Variants in STON2 observed in about 807,000 individuals in gnomAD.
STON2 encodes the protein stonin 2, also known as stonin-2.
A neutral mutation model predicts 65.7 loss-of-function variants in STON2; 29 were observed. That is an observed-to-expected ratio of 0.44 (90% CI 0.33 to 0.60). The LOEUF (loss-of-function observed/expected upper bound fraction) is 0.60. Among genes scored for constraint, STON2 ranks in the 20% least tolerant of loss-of-function variants. The probability of loss-of-function intolerance (pLI) is 0.03; values close to 1 mark genes in which losing one functional copy is unlikely to be tolerated. For missense variants in STON2, 1,054 were observed against 1,118.1 expected (o/e 0.94, Z 0.82); for synonymous variants, 404 against 414.2 (o/e 0.98, Z 0.30).
chr14:81,403,438 T>A (rs61120076), upstream of STON2, among the ~76,000 whole-genome samples: 4,144 of 152,216 alleles, frequency 0.027, 201 homozygotes, highest in African/African-American at 0.094. Flanking sequence ...AGAAAAAAAA[T>A]ATTATCTTTA....
At chr14:81,319,680 A>G (rs1896753076) in intron 5 of STON2, among the ~76,000 whole-genome samples, 1 of 152,250 alleles carries the variant, frequency 6.6e-6, no homozygotes, top group Non-Finnish European at 1.5e-5. Context: ...ATCCTGGTCA[A>G]TTACCAGAGC....
At position 81,278,501 on chromosome 14, in the gene STON2, C is replaced by T. The variant is rs761492675; in HGVS notation, c.981G>A (p.Met327Ile). Residue 327 changes from methionine (M) to isoleucine (I), a missense_variant, in exon 6 of 8, where the codon ATG (methionine) becomes ATA (isoleucine). Physicochemically the swap from Met to Ile is conservative, Grantham distance 10. Coordinates refer to ENST00000614646, the MANE Select transcript of STON2 (RefSeq NM_001394390.1). ...GACGGTCCCTCTTCTTAAATGATCC[C>T]ATTGAATTATAAGGTACATCTGGGA... ...SVIPDVPYNS[M>I]GSFKKRDRPK... 5 of 1,614,182 alleles carry T rather than the reference C, an allele frequency of 3.1e-6. No homozygotes were observed. The highest frequency in any genetic ancestry group is 4.5e-5 in the East Asian group (2 of 44,886).
chr14:81,363,995 A>G (rs553369360), intron 4 of STON2, among the ~76,000 whole-genome samples: 1 of 152,306 alleles, frequency 6.6e-6, no homozygotes, highest in African/African-American at 2.4e-5. Context: ...CTTATTAAAT[A>G]ATGACGAGAA....
chr14:81,317,866 G>A (rs902494439), intron 5 of STON2, among the ~76,000 whole-genome samples: 1 of 152,160 alleles, frequency 6.6e-6, no homozygotes, highest in Non-Finnish European at 1.5e-5. Context: ...AGTGGGAATG[G>A]AAACAGAGGC....
Position 81,390,561 on chromosome 14 carries a change from G to A in STON2, c.373+5333C>T, listed in dbSNP as rs990578649. 5.2e-4 allele frequency among the ~76,000 whole-genome samples: 79 copies of A among 152,118 alleles called. 1 individual carries two copies. The highest frequency in any genetic ancestry group is 1.1e-3 in the Non-Finnish European group (74 of 68,016). ...AGCCTGGGCAACAGAGCGAGACTCC[G>A]TCTCAAAAAACAAAACAAAAAACAA... is the stretch of plus-strand genomic sequence containing the variant. On this transcript the variant is annotated intron_variant, in intron 3 of 7. Transcript: ENST00000614646.
At chr14:81,399,290 T>G (rs1354377937) in intron 1 of STON2, among the ~76,000 whole-genome samples, 1 of 152,238 alleles carries the variant, frequency 6.6e-6, no homozygotes, top group African/African-American at 2.4e-5. Context: ...TATTAATATC[T>G]TTTTACAACC....
chr14:81,430,628 T>A (rs1430786472), intron 1 of STON2, among the ~76,000 whole-genome samples: 1 of 152,196 alleles, frequency 6.6e-6, no homozygotes, highest in Non-Finnish European at 1.5e-5. Context: ...ATTATGTATC[T>A]ATAGAATTTT....
chr14:81,289,982 T>A (rs936659806), intron 5 of STON2, among the ~76,000 whole-genome samples: 12 of 152,208 alleles, frequency 7.9e-5, no homozygotes, highest in African/African-American at 2.4e-4. Flanking sequence ...GAGGTTTCAG[T>A]CTCACCAATA....
intron 4 of STON2, among the ~76,000 whole-genome samples, chr14:81,354,900 C>G (rs1327225613): frequency 6.6e-6 from 1 of 151,844 alleles, no homozygotes; most frequent in African/African-American, 2.4e-5. Context: ...TCCTGTAATC[C>G]CAGCTACTCG....
intron 3 of STON2, among the ~76,000 whole-genome samples, chr14:81,378,276 T>C (rs1899347891): frequency 6.6e-6 from 1 of 152,158 alleles, no homozygotes; most frequent in African/African-American, 2.4e-5. Flanking sequence ...AGTGGAGTGA[T>C]GCCATCTCAG....
chr14:81,273,793 T>C (rs1894696338), intron 6 of STON2, among the ~76,000 whole-genome samples: 1 of 152,138 alleles, frequency 6.6e-6, no homozygotes, highest in South Asian at 2.1e-4. Context: ...GGGGTTTGAC[T>C]GCCCTGCCCA....
chr14:81,363,727 T>C (rs1268089103), intron 4 of STON2, among the ~76,000 whole-genome samples: 1 of 152,188 alleles, frequency 6.6e-6, no homozygotes, highest in Non-Finnish European at 1.5e-5. Context: ...AGAAAGAATT[T>C]TAAAAATTAG....
At chr14:81,419,692 C>T (rs1030179946) in intron 2 of STON2, among the ~76,000 whole-genome samples, 2 of 152,206 alleles carry the variant, frequency 1.3e-5, no homozygotes, top group Non-Finnish European at 2.9e-5. Context: ...TTCCCTCTTC[C>T]ACCTCCACTG....
chr14:81,274,739 C>T (rs2140110853), intron 6 of STON2, among the ~76,000 whole-genome samples: 1 of 152,022 alleles, frequency 6.6e-6, no homozygotes, highest in African/African-American at 2.4e-5. Context: ...AGTTTGAGAC[C>T]AGTCTGGCCA....
intron 5 of STON2, among the ~76,000 whole-genome samples, chr14:81,296,296 G>A (rs930718056): frequency 2.6e-5 from 4 of 152,188 alleles, no homozygotes; most frequent in East Asian, 1.9e-4. Context: ...GATAGAGAAC[G>A]ATCAATGCTG....
intron 3 of STON2, among the ~76,000 whole-genome samples, chr14:81,385,320 G>A (rs7153600): frequency 0.18 from 26,897 of 152,132 alleles, 3,072 homozygotes; most frequent in East Asian, 0.44. Flanking sequence ...ACCATCCTCC[G>A]TGGCATGATG....
chr14:81,387,619 T>C (rs1899876237), intron 3 of STON2, among the ~76,000 whole-genome samples: 1 of 152,094 alleles, frequency 6.6e-6, no homozygotes, highest in African/African-American at 2.4e-5. Flanking sequence ...CCAGGCGTGG[T>C]GGCTCACGCC....
At chr14:81,393,022 G>C (rs1900151883) in intron 3 of STON2, among the ~76,000 whole-genome samples, 3 of 152,186 alleles carry the variant, frequency 2.0e-5, no homozygotes, top group Admixed American at 2.0e-4. Context: ...GGTCTCAGGA[G>C]ACAGCAAGGT....
chr14:81,424,092 G>A (rs1901848117), intron 2 of STON2, among the ~76,000 whole-genome samples: 3 of 152,200 alleles, frequency 2.0e-5, no homozygotes, highest in South Asian at 4.1e-4. Flanking sequence ...GTGAGCAAAT[G>A]AGCACCTTTC....
Sources: allele counts gnomAD v4.1 joint callset (sites outside exome capture counted in the v4.1 genomes callset), GRCh38; gene constraint gnomAD v4.1.1; transcripts MANE v1.5; gene names NCBI Gene and HGNC (gene_info 2026-07-23, HGNC 2026-07-21).